RELN: variants seen among roughly 807,000 people sequenced by gnomAD.
RELN encodes the protein reelin.
In RELN, 108 loss-of-function variants were observed where a neutral mutation model predicts 427.6. The observed-to-expected ratio is 0.25, with a 90% CI of 0.22 to 0.30. The LOEUF is 0.30. RELN is among the 10% of genes least tolerant of loss of function. The pLI is 1.00. For synonymous variants in RELN, 1,524 were observed against 1,513.4 expected (o/e 1.01, Z -0.16); for missense variants, 3,715 against 4,302.8 (o/e 0.86, Z 3.82).
chr7:103,885,161 A>G (rs1431926650), intron 2 of RELN, among the ~76,000 whole-genome samples: 2 of 152,044 alleles, frequency 1.3e-5, no homozygotes, highest in African/African-American at 4.8e-5. Context: ...AACACGGTGA[A>G]ACCCCATCTC....
chr7:103,624,863 T>C (rs2117321800), intron 20 of RELN, among the ~76,000 whole-genome samples: 1 of 152,246 alleles, frequency 6.6e-6, no homozygotes, highest in South Asian at 2.1e-4. Flanking sequence ...TTTACTTGTG[T>C]TTTAAAAAAA....
intron 64 of RELN, among the ~76,000 whole-genome samples, chr7:103,475,087 A>G (rs534669423): frequency 6.6e-6 from 1 of 152,208 alleles, no homozygotes; most frequent in Non-Finnish European, 1.5e-5. Context: ...CTACATTCCT[A>G]TACAAACTGC....
At chr7:103,592,615 T>C (rs192484339) in intron 27 of RELN, among the ~76,000 whole-genome samples, 22 of 152,344 alleles carry the variant, frequency 1.4e-4, no homozygotes, top group African/African-American at 5.1e-4. Context: ...TTCCTGATCA[T>C]TGTTTAAATG....
chr7:103,917,999 G>A (rs751905063), intron 1 of RELN, among the ~76,000 whole-genome samples: 1 of 152,056 alleles, frequency 6.6e-6, no homozygotes, highest in Non-Finnish European at 1.5e-5. Context: ...CCAAGGGAAG[G>A]TAATAATATT....
chr7:103,741,702 A>C (rs1403858133), intron 6 of RELN, among the ~76,000 whole-genome samples: 1 of 151,924 alleles, frequency 6.6e-6, no homozygotes, highest in South Asian at 2.1e-4. Flanking sequence ...AGGGAGGGAA[A>C]GAGAGGAAGG....
intron 17 of RELN, among the ~76,000 whole-genome samples, chr7:103,637,925 G>A (rs1832617635): frequency 6.6e-6 from 1 of 152,162 alleles, no homozygotes; most frequent in Non-Finnish European, 1.5e-5. Flanking sequence ...CTCAGGACAA[G>A]TGACTGGGAG....
At chr7:103,870,806 C>A (rs1283896317) in intron 2 of RELN, among the ~76,000 whole-genome samples, 1 of 152,102 alleles carries the variant, frequency 6.6e-6, no homozygotes, top group African/African-American at 2.4e-5. Flanking sequence ...GCAGCTGAGC[C>A]CTGAATCAAG....
rs544358445 is a variant in RELN at position 103,926,473 on chromosome 7, T to A, written c.227-9288A>T. 1.9e-3 allele frequency among the ~76,000 whole-genome samples: 286 copies of A among 152,264 alleles called. 2 individuals carry two copies. The highest frequency in any genetic ancestry group is 6.6e-3 in the African/African-American group (275 of 41,552). On this transcript the variant is annotated intron_variant, in intron 1 of 64. Coordinates refer to ENST00000428762, the MANE Select transcript of RELN (RefSeq NM_005045.4). Reference sequence around the variant, plus strand: ...TATGTTCATATTTGCAACAACTTTATGCTTGTGCAAGAACATGCCAAGAGT... The same window carrying A: ...TATGTTCATATTTGCAACAACTTTAAGCTTGTGCAAGAACATGCCAAGAGT...
At chr7:103,685,266 C>T (rs776524696) in intron 10 of RELN, among the ~76,000 whole-genome samples, 2 of 152,064 alleles carry the variant, frequency 1.3e-5, no homozygotes, top group African/African-American at 4.8e-5. Flanking sequence ...TTTTGTTCAA[C>T]ACCTATTCGA....
chr7:103,562,010 G>T, intron 34 of RELN, 57 bp from the exon 35 acceptor site: 1 of 1,561,960 alleles, frequency 6.4e-7, no homozygotes, highest in Non-Finnish European at 8.7e-7. Context: ...AACCTTGAAA[G>T]CACAAGGACA....
chr7:103,602,001 C>T (rs961513725), intron 24 of RELN, among the ~76,000 whole-genome samples: 6 of 152,148 alleles, frequency 3.9e-5, no homozygotes, highest in African/African-American at 7.2e-5. Context: ...GTAGGACCTG[C>T]GATGTCTGCC....
At chr7:103,631,282 ACTT>A (rs1269181526) in intron 19 of RELN, among the ~76,000 whole-genome samples, 18 of 101,406 alleles carry the variant, frequency 1.8e-4, no homozygotes, top group Non-Finnish European at 2.2e-4. Flanking sequence ...CTTTAAAAAC[ACTT>A]CTTTTTTTTT....
rs1828847726 is a variant in RELN, at chr7:103,496,577, T to A, written c.9142A>T (p.Ile3048Phe). The change falls in exon 56 of 65, where the codon ATT becomes TTT. Residue 3048 changes from isoleucine (I) to phenylalanine (F), a missense_variant. Transcript: ENST00000428762. ...RAQWALDNILIGGAEINPSQL... is the reference protein window; with the variant it reads ...RAQWALDNILFGGAEINPSQL... ...CTGGGATTGATTTCTGCTCCACCAA[T>A]CAAAATGTTGTCCAGTGCCCACTGA... 6.2e-7 allele frequency: 1 copy of A among 1,613,990 alleles called. No homozygotes were observed. Among genetic ancestry groups the A allele is most frequent in the African/African-American group, 1.3e-5 (1 of 74,906 alleles).
At chr7:103,782,820 T>C (rs539729792) in intron 3 of RELN, among the ~76,000 whole-genome samples, 58 of 152,200 alleles carry the variant, frequency 3.8e-4, no homozygotes, top group Non-Finnish European at 7.1e-4. Context: ...TAAAGAATCA[T>C]ACCAGCTGGT....
chr7:103,517,012 G>A (rs1829582383), intron 49 of RELN, among the ~76,000 whole-genome samples: 1 of 152,104 alleles, frequency 6.6e-6, no homozygotes, highest in South Asian at 2.1e-4. Context: ...TAGCTTAATG[G>A]ATCTTAGTCT....
chr7:103,519,671 C>T (rs1438348150), intron 48 of RELN, among the ~76,000 whole-genome samples, 155 bp from the exon 49 acceptor site: 1 of 151,758 alleles, frequency 6.6e-6, no homozygotes, highest in East Asian at 1.9e-4. Context: ...CAGCCTTGAC[C>T]TCCTGGGTTC....
chr7:103,882,638 T>C (rs745334793), intron 2 of RELN, among the ~76,000 whole-genome samples: 37 of 152,060 alleles, frequency 2.4e-4, no homozygotes, highest in Admixed American at 5.2e-4. Flanking sequence ...AAATATAAAC[T>C]ACCATCAGAG....
rs541026705 is a variant in RELN at position 103,589,574 on chromosome 7, C to T, written c.4145+22G>A. On this transcript the variant is annotated intron_variant, in intron 28 of 64. Coordinates refer to ENST00000428762, the MANE Select transcript of RELN (RefSeq NM_005045.4). ...CTGTGTCTTTCTTAATGGCCCAAACCCATTAAGAATGATTACTTTACCTGG... is the reference window on the plus strand; with the variant it reads ...CTGTGTCTTTCTTAATGGCCCAAACTCATTAAGAATGATTACTTTACCTGG... 18 of 1,515,756 alleles carry T rather than the reference C, an allele frequency of 1.2e-5. No individual in the cohort carries two copies. The African/African-American group carries it at 1.5e-4, about 13-fold the overall frequency. 93.9% of individuals were successfully genotyped at this position (1,515,756 alleles called of 1,614,324 possible).
chr7:103,884,873 C>T (rs535182649), intron 2 of RELN, among the ~76,000 whole-genome samples: 2 of 152,192 alleles, frequency 1.3e-5, no homozygotes, highest in South Asian at 2.1e-4. Context: ...AAGACTGTGA[C>T]GATTCCTCAG....
Sources: allele counts gnomAD v4.1 joint callset (sites outside exome capture counted in the v4.1 genomes callset), GRCh38; gene constraint gnomAD v4.1.1; transcripts MANE v1.5; gene names NCBI Gene and HGNC (gene_info 2026-07-23, HGNC 2026-07-21).